ZNF354A: variants seen among roughly 807,000 people sequenced by gnomAD.
The protein encoded by ZNF354A is zinc finger protein 354A.
Under a neutral mutation model 53.3 loss-of-function variants are expected in ZNF354A, and 25 were observed. That is an observed-to-expected ratio of 0.47 (90% CI 0.34 to 0.66). ZNF354A has a LOEUF of 0.66. Among genes scored for constraint, ZNF354A ranks in the 30% least tolerant of loss-of-function variants. The probability of loss-of-function intolerance (pLI) is 0.01; values close to 1 mark genes in which losing one functional copy is unlikely to be tolerated. For synonymous variants in ZNF354A, 228 were observed against 249.0 expected (o/e 0.92, Z 0.79); for missense variants, 586 against 716.8 (o/e 0.82, Z 2.08).
rs894012224 is a variant in ZNF354A at position 178,725,278 on chromosome 5, G to A, written c.256+98C>T. 3.3e-6 allele frequency: 4 copies of A among 1,219,650 alleles called. No homozygotes were observed. The African/African-American group carries it at 6.0e-5, about 18-fold the overall frequency. 75.6% of individuals were successfully genotyped at this position (1,219,650 alleles called of 1,614,324 possible). On this transcript the variant is annotated intron_variant, in intron 4 of 4. Coordinates refer to ENST00000335815, the MANE Select transcript of ZNF354A (RefSeq NM_005649.3). ...GCTTCCCCATCACTTCTTGAGGCCT[G>A]AGAATTCTCAAGGGAGTTTCCCAAC... is the stretch of plus-strand genomic sequence containing the variant.
At chr5:178,721,482 G>GT (rs1765811798) in intron 4 of ZNF354A, among the ~76,000 whole-genome samples, 1 of 152,038 alleles carries the variant, frequency 6.6e-6, no homozygotes, top group Non-Finnish European at 1.5e-5. Flanking sequence ...CCATGACAGT[G>GT]TAAGTAAATA....
intron 1 of ZNF354A, among the ~76,000 whole-genome samples, chr5:178,730,344 C>T (rs1235263446): frequency 6.6e-6 from 1 of 152,114 alleles, no homozygotes; most frequent in East Asian, 1.9e-4. Flanking sequence ...AACGCCAGGC[C>T]CGGCGTCCAC....
At chr5:178,730,288 G>A (rs1179401018) in intron 1 of ZNF354A, among the ~76,000 whole-genome samples, 1 of 151,972 alleles carries the variant, frequency 6.6e-6, no homozygotes, top group Admixed American at 6.5e-5. Context: ...CCGGTGCCCC[G>A]AGTCCGCGAG....
chr5:178,725,194 A>C (rs34981407), intron 4 of ZNF354A, among the ~76,000 whole-genome samples, 182 bp downstream of exon 4: 36,708 of 152,206 alleles, frequency 0.24, 5,175 homozygotes, highest in South Asian at 0.36. Context: ...GGAAAGAGTA[A>C]GAAAGAGATT....
intron 1 of ZNF354A, among the ~76,000 whole-genome samples, 155 bp downstream of exon 1, chr5:178,730,401 C>CG (rs893881548): frequency 6.4e-5 from 9 of 139,916 alleles, no homozygotes; most frequent in Admixed American, 2.8e-4. Flanking sequence ...GAGCGCCCCG[C>CG]GGGGGGGCGA....
chr5:178,723,985 A>C (rs1447417660), intron 4 of ZNF354A, among the ~76,000 whole-genome samples: 4 of 151,826 alleles, frequency 2.6e-5, no homozygotes, highest in African/African-American at 7.3e-5. Flanking sequence ...CCATCATGCT[A>C]ATGGGCTCCC....
Position 178,730,561 on chromosome 5 carries a change from T to C in ZNF354A, c.-57A>G, listed in dbSNP as rs1030160416. 2 of 151,848 alleles carry C rather than the reference T, an allele frequency of 1.3e-5. No homozygotes were observed. The highest frequency in any genetic ancestry group is 4.8e-5 in the African/African-American group (2 of 41,390). The allele number at this position is 151,848 out of a possible 1,614,324, so 9.4% of individuals were successfully genotyped here. A position where few individuals can be genotyped will look rare whatever the true frequency, so the allele number is the denominator to read the frequency against. On this transcript the variant is annotated 5_prime_UTR_variant, in exon 1 of 5. Coordinates refer to ENST00000335815, the MANE Select transcript of ZNF354A (RefSeq NM_005649.3). ...GGCCTGCCGCCGACGCTCACCTCCC[T>C]AAGCTCGAGCGTCCCGGGCCGCGCC...
chr5:178,721,398 G>T (rs1408939679), intron 4 of ZNF354A, among the ~76,000 whole-genome samples: 1 of 152,158 alleles, frequency 6.6e-6, no homozygotes, highest in Non-Finnish European at 1.5e-5. Flanking sequence ...AAAGGGACAG[G>T]AAAAATGCAG....
chr5:178,730,658 C>A lies in ZNF354A; in HGVS notation c.-154G>T, dbSNP rs1255040374. 1 of 151,920 alleles carries A rather than the reference C, an allele frequency of 6.6e-6. No homozygotes were observed. The highest frequency in any genetic ancestry group is 2.4e-5 in the African/African-American group (1 of 41,410). 9.4% of individuals were successfully genotyped at this position (151,920 alleles called of 1,614,324 possible). A position where few individuals can be genotyped will look rare whatever the true frequency, so the allele number is the denominator to read the frequency against. On this transcript the variant is annotated 5_prime_UTR_variant, in exon 1 of 5. Transcript: ENST00000335815. ...CGACCCGGCTCCGCCCCGACGGCGT[C>A]TGGGCGACCTCAGGCCCGGCGCCGC...
intron 4 of ZNF354A, among the ~76,000 whole-genome samples, chr5:178,716,501 G>A (rs1279495203): frequency 6.6e-6 from 1 of 152,154 alleles, no homozygotes; most frequent in Non-Finnish European, 1.5e-5. Flanking sequence ...TGCCTACTAT[G>A]GGCCAGGTAA....
At position 178,712,365 on chromosome 5, in the gene ZNF354A, A is replaced by C; in HGVS notation, c.1513T>G (p.Cys505Gly). The change falls in exon 5 of 5, where the codon TGT (cysteine) becomes GGT (glycine). Residue 505 changes from cysteine (C) to glycine (G), a missense_variant. This residue lies in a region of ZNF354A where 573 missense variants were observed against 680.1 expected (regional missense o/e 0.84). Transcript: ENST00000335815. ...TGGTGATTACTAAGTGATGAGTTAC[A>C]CCTGAATGTTTTCCCACACTCGTTA... ...KCNECGKTFR[C>G]NSSLSNHQRI... The C allele has an allele frequency of 6.2e-7, 1 of 1,613,806 alleles. No homozygotes were observed. The highest frequency in any genetic ancestry group is 8.5e-7 in the Non-Finnish European group (1 of 1,179,724).
rs548398988 is a variant in ZNF354A at position 178,730,012 on chromosome 5, C to A, written c.-52+544G>T. Among the ~76,000 whole-genome samples the A allele has an allele frequency of 6.7e-3, 1,018 of 152,140 alleles. 7 individuals are homozygous for A. Among genetic ancestry groups the A allele is most frequent in the Non-Finnish European group, 8.4e-3 (569 of 67,966 alleles). On this transcript the variant is annotated intron_variant, in intron 1 of 4. Transcript: ENST00000335815. ...ACAAGTAGCTGGGACTACAGGCGCC[C>A]GCCACTACGCCCGGCTAATTTTTTT...
chr5:178,725,253 G>A lies in ZNF354A; in HGVS notation c.256+123C>T, dbSNP rs1561620954. 4.2e-5 allele frequency: 39 copies of A among 919,584 alleles called. 1 individual carries two copies. In the South Asian group the frequency reaches 4.4e-4, roughly 10 times the overall value. 57.0% of individuals were successfully genotyped at this position (919,584 alleles called of 1,614,324 possible). ...ATCCTGCCTAAGAGCCTGGGCTTCC[G>A]CTTCCCCATCACTTCTTGAGGCCTG... On this transcript the variant is annotated intron_variant, in intron 4 of 4. Transcript: ENST00000335815.
At chr5:178,714,076 G>A (rs887846716) in intron 4 of ZNF354A, among the ~76,000 whole-genome samples, 4 of 151,182 alleles carry the variant, frequency 2.6e-5, no homozygotes, top group Non-Finnish European at 5.9e-5. Context: ...GCGCGATCTC[G>A]GCTCACTGCA....
Position 178,713,161 on chromosome 5 carries a change from C to T in ZNF354A, c.717G>A (p.Glu239=). ...AACATTCTTTACACTTAAATAGTTT[C>T]TCTCCACTATGGTTTTTCTCATGTT... ...LRKHEKNHSG[E]KLFKCKECSK... The change falls in exon 5 of 5, where the codon GAG becomes GAA. Residue 239 remains glutamate, a synonymous_variant. Transcript: ENST00000335815. The T allele has an allele frequency of 6.2e-7, 1 of 1,614,130 alleles. No individual in the cohort carries two copies. Among genetic ancestry groups the T allele is most frequent in the Non-Finnish European group, 8.5e-7 (1 of 1,180,020 alleles).
At chr5:178,728,782 C>CAAAAAAAAAAAAAAAAAAAAA (rs1157233878) in intron 2 of ZNF354A, among the ~76,000 whole-genome samples, 13 of 50,872 alleles carry the variant, frequency 2.6e-4, no homozygotes, top group African/African-American at 8.4e-4. Context: ...AAGCGAGATT[C>CAAAAAAAAAAAAAAAAAAAAA]AAAAAAAAAA....
chr5:178,723,737 C>T, intron 4 of ZNF354A, among the ~76,000 whole-genome samples: 1 of 151,970 alleles, frequency 6.6e-6, no homozygotes, highest in Non-Finnish European at 1.5e-5. Flanking sequence ...TCCCTTTCTG[C>T]CCAATGCTAT....
chr5:178,712,766 T>C lies in ZNF354A; in HGVS notation c.1112A>G (p.Tyr371Cys), dbSNP rs757007181. Residue 371 changes from tyrosine to cysteine, a missense_variant, in exon 5 of 5, where the codon TAT (tyrosine) becomes TGT (cysteine). Tyr to Cys is a radical substitution (Grantham distance 194). Transcript: ENST00000335815. ...NTFKSSSSLR[Y>C]HQRIHTGEKP... ...CTCTCCAGTGTGAATTCTCTGATGA[T>C]AACGAAGGGATGAGCTAGACTTAAA... The C allele has an allele frequency of 6.2e-7, 1 of 1,614,136 alleles. No homozygotes were observed. Among genetic ancestry groups the C allele is most frequent in the East Asian group, 2.2e-5 (1 of 44,868 alleles).
chr5:178,730,618 C>T lies in ZNF354A; in HGVS notation c.-114G>A, dbSNP rs1279613529. On this transcript the variant is annotated 5_prime_UTR_variant, in exon 1 of 5. Coordinates refer to ENST00000335815, the MANE Select transcript of ZNF354A (RefSeq NM_005649.3). ...GCCGCGAGGCTCCGGAACCGCCGGC[C>T]GGGATGCAGCCTCGCGACCCGGCTC... 6.6e-6 allele frequency: 1 copy of T among 151,920 alleles called. No individual in the cohort carries two copies. Among genetic ancestry groups the T allele is most frequent in the Non-Finnish European group, 1.5e-5 (1 of 67,962 alleles). The allele number at this position is 151,920 out of a possible 1,614,324, so 9.4% of individuals were successfully genotyped here.
Sources: allele counts gnomAD v4.1 joint callset (sites outside exome capture counted in the v4.1 genomes callset), GRCh38; gene constraint gnomAD v4.1.1; regional missense constraint gnomAD v4.1.1; transcripts MANE v1.5; gene names NCBI Gene and HGNC (gene_info 2026-07-23, HGNC 2026-07-21).